LRRFIP1: variants seen among roughly 807,000 people sequenced by gnomAD.
The protein encoded by LRRFIP1 is leucine-rich repeat flightless-interacting protein 1.
A neutral mutation model predicts 104.4 loss-of-function variants in LRRFIP1; 62 were observed. The ratio of observed to expected loss-of-function variants is 0.59; its 90% CI spans 0.48 to 0.73. The LOEUF is 0.73. Ranked by LOEUF, LRRFIP1 falls within the 30% of genes least tolerant of loss-of-function variation. The pLI is 0.00. For missense variants in LRRFIP1, 796 were observed against 824.5 expected (o/e 0.97, Z 0.42); for synonymous variants, 300 against 299.0 (o/e 1.00, Z -0.03).
At position 237,676,412 on chromosome 2, in the gene LRRFIP1, G is replaced by A. The variant is rs376552019; in HGVS notation, c.97-32132G>A. ...GATGGTTATCTTTCTAGTGAGACCC[G>A]AAAATTCACGTGGGGACATGACAGC... is the stretch of plus-strand genomic sequence containing the variant. On this transcript the variant is annotated intron_variant, in intron 1 of 23. Transcript: ENST00000308482. Among the ~76,000 whole-genome samples the A allele has an allele frequency of 7.0e-4, 107 of 152,300 alleles. 3 individuals are homozygous for A. The highest frequency in any genetic ancestry group is 2.4e-3 in the African/African-American group (99 of 41,566).
At chr2:237,741,812 G>A (rs2057116615) in intron 11 of LRRFIP1, among the ~76,000 whole-genome samples, 1 of 151,460 alleles carries the variant, frequency 6.6e-6, no homozygotes. Flanking sequence ...TGGGCAACAA[G>A]GCAAGGCTCC....
Position 237,735,711 on chromosome 2 carries a change from A to C in LRRFIP1, c.555+378A>C, listed in dbSNP as rs2095223108. ...AGTTGAGGAAGAGGAACAAATTTTAAAACTTGGAATGTTACGCATATTTCA... is the reference window on the plus strand; with the variant it reads ...AGTTGAGGAAGAGGAACAAATTTTACAACTTGGAATGTTACGCATATTTCA... On this transcript the variant is annotated intron_variant, in intron 10 of 23. Coordinates refer to ENST00000308482, the MANE Select transcript of LRRFIP1 (RefSeq NM_001137550.2). The surrounding 1 kb of genome is among the most constrained non-coding windows in gnomAD (Gnocchi z 4.6). 1 of 193,396 alleles carries C rather than the reference A, an allele frequency of 5.2e-6. No homozygotes were observed. Among genetic ancestry groups the C allele is most frequent in the Non-Finnish European group, 1.1e-5 (1 of 94,198 alleles). The allele number at this position is 193,396 out of a possible 1,614,324, so 12.0% of individuals were successfully genotyped here. A position where few individuals can be genotyped will look rare whatever the true frequency, so the allele number is the denominator to read the frequency against.
chr2:237,702,569 G>A (rs1421165952), intron 1 of LRRFIP1, among the ~76,000 whole-genome samples: 1 of 152,332 alleles, frequency 6.6e-6, no homozygotes, highest in South Asian at 2.1e-4. Context: ...GGACACGGTG[G>A]GGGCAGCGCT....
rs567197231 is a variant in LRRFIP1 at position 237,630,397 on chromosome 2, A to T, written c.96+2657A>T. Among the ~76,000 whole-genome samples, 3 of 152,310 alleles carry T rather than the reference A, an allele frequency of 2.0e-5. No individual in the cohort carries two copies. In the East Asian group the frequency reaches 5.8e-4, roughly 29 times the overall value. On this transcript the variant is annotated intron_variant, in intron 1 of 23. Coordinates refer to ENST00000308482, the MANE Select transcript of LRRFIP1 (RefSeq NM_001137550.2). The stretch of plus-strand genomic sequence containing the variant: ...AATTCCTGTCCTGGGGAGACTGGAG[A>T]GTCAGGGAGGAACCCGGCGAGGACC...
chr2:237,643,746 G>GAATA (rs974517158), intron 1 of LRRFIP1, among the ~76,000 whole-genome samples: 1 of 152,084 alleles, frequency 6.6e-6, no homozygotes, highest in Non-Finnish European at 1.5e-5. Context: ...ATGAATGAAT[G>GAATA]AATGAATGAA....
In LRRFIP1 at chr2:237,753,347, T is replaced by A. The variant is rs2058866071; in HGVS notation, c.906T>A (p.Ala302=). The change falls in exon 15 of 24, where the codon GCT becomes GCA. Residue 302 remains alanine, a synonymous_variant. Transcript: ENST00000308482. ...LAEVEEKYKK[A]MVSNAQLDNE... The stretch of plus-strand genomic sequence containing the variant: ...AAGTTGAAGAGAAATATAAGAAGGC[T>A]ATGGTTTCCAATGCTCAGCTAGACA... 1 of 1,599,202 alleles carries A rather than the reference T, an allele frequency of 6.3e-7. No individual in the cohort carries two copies. Among genetic ancestry groups the A allele is most frequent in the African/African-American group, 1.4e-5 (1 of 73,824 alleles).
chr2:237,755,298 T>C (rs184683442), intron 15 of LRRFIP1, among the ~76,000 whole-genome samples: 4,834 of 152,318 alleles, frequency 0.032, 94 homozygotes, highest in Middle Eastern at 0.12. Flanking sequence ...TGTTTTTGTC[T>C]CTTAAGGGGC....
At chr2:237,658,769 G>A (rs1345204794) in intron 1 of LRRFIP1, among the ~76,000 whole-genome samples, 1 of 152,164 alleles carries the variant, frequency 6.6e-6, no homozygotes, top group Non-Finnish European at 1.5e-5. Context: ...ACAGCATGCG[G>A]GGAACTGCCC....
At position 237,723,600 on chromosome 2, in the gene LRRFIP1, A is replaced by T; in HGVS notation, c.384+14A>T. 6.2e-7 allele frequency: 1 copy of T among 1,613,724 alleles called. No individual in the cohort carries two copies. The highest frequency in any genetic ancestry group is 8.5e-7 in the Non-Finnish European group (1 of 1,179,818). ...CCTTACGCCTGGGTGAGATGGTCGGATATACTTTGCTGTGTGACCTTAACT... is the reference window on the plus strand; with the variant it reads ...CCTTACGCCTGGGTGAGATGGTCGGTTATACTTTGCTGTGTGACCTTAACT... On this transcript the variant is annotated intron_variant, in intron 7 of 23. Transcript: ENST00000308482.
intron 9 of LRRFIP1, 25 bp downstream of exon 9, chr2:237,733,843 C>G: frequency 6.2e-7 from 1 of 1,613,284 alleles, no homozygotes; most frequent in Non-Finnish European, 8.5e-7. Context: ...CACCCTGCTG[C>G]CCCGCACCCC....
At chr2:237,721,131 TTCCACAG>T (rs2094523368) in intron 6 of LRRFIP1, 1 of 294,908 alleles carries the variant, frequency 3.4e-6, no homozygotes, top group African/African-American at 2.1e-5. Flanking sequence ...CACATTGGTG[TTCCACAG>T]GAATGCAAAG....
chr2:237,729,921 C>A, intron 8 of LRRFIP1: 1 of 653,358 alleles, frequency 1.5e-6, no homozygotes, highest in South Asian at 7.0e-5. Flanking sequence ...TGTGTGGATT[C>A]AGCTCTACTT....
intron 1 of LRRFIP1, among the ~76,000 whole-genome samples, chr2:237,630,255 T>C (rs2149233164): frequency 6.6e-6 from 1 of 152,338 alleles, no homozygotes; most frequent in East Asian, 1.9e-4. Flanking sequence ...ACTATTCAAA[T>C]GGCAAATATC....
intron 8 of LRRFIP1, among the ~76,000 whole-genome samples, chr2:237,730,091 A>G (rs1013217468): frequency 6.6e-6 from 1 of 152,222 alleles, no homozygotes; most frequent in Non-Finnish European, 1.5e-5. Flanking sequence ...GCTGGCTGCA[A>G]TGAAAGGACG....
intron 1 of LRRFIP1, among the ~76,000 whole-genome samples, chr2:237,656,827 G>A (rs2086898361): frequency 1.3e-5 from 2 of 152,158 alleles, no homozygotes; most frequent in African/African-American, 2.4e-5. Context: ...TTAAACATTT[G>A]TAAGTACTAT....
intron 8 of LRRFIP1, among the ~76,000 whole-genome samples, chr2:237,730,390 TG>T (rs1260635836): frequency 6.6e-6 from 1 of 152,218 alleles, no homozygotes. Flanking sequence ...TAAGGCTTGT[TG>T]GTGTTTGTTT....
intron 22 of LRRFIP1, 116 bp from the exon 23 acceptor site, chr2:237,774,242 T>C: frequency 1.5e-6 from 1 of 666,126 alleles, no homozygotes; most frequent in Non-Finnish European, 2.6e-6. Flanking sequence ...TATAAGTATT[T>C]ACATGGTGTA....
intron 7 of LRRFIP1, 115 bp from the exon 8 acceptor site, chr2:237,727,761 C>T (rs1410061845): frequency 1.4e-6 from 1 of 731,112 alleles, no homozygotes; most frequent in East Asian, 2.5e-5. Flanking sequence ...ACTGGTCATT[C>T]ATCCGCTCCA....
At chr2:237,730,713 T>TA (rs1172392749) in intron 8 of LRRFIP1, among the ~76,000 whole-genome samples, 1 of 152,196 alleles carries the variant, frequency 6.6e-6, no homozygotes, top group Non-Finnish European at 1.5e-5. Context: ...GGTCAGGAGA[T>TA]AGAGACCATC....
Sources: allele counts gnomAD v4.1 joint callset (sites outside exome capture counted in the v4.1 genomes callset), GRCh38; gene constraint gnomAD v4.1.1; non-coding constraint Gnocchi (gnomAD v3.1); transcripts MANE v1.5; gene names NCBI Gene and HGNC (gene_info 2026-07-23, HGNC 2026-07-21).